PAFAH1B1: variants seen among roughly 807,000 people sequenced by gnomAD.
PAFAH1B1 encodes the protein platelet-activating factor acetylhydrolase IB subunit beta.
A neutral mutation model predicts 57.5 loss-of-function variants in PAFAH1B1; 2 were observed. The ratio of observed to expected loss-of-function variants is 0.03; its 90% CI spans 0.01 to 0.11. The LOEUF is 0.11. Among genes scored for constraint, PAFAH1B1 ranks in the 10% least tolerant of loss-of-function variants. The pLI, the probability that PAFAH1B1 is intolerant of heterozygous loss-of-function variation, is 1.00. For missense variants in PAFAH1B1, 257 were observed against 512.0 expected (o/e 0.50, Z 4.81); for synonymous variants, 152 against 169.6 (o/e 0.90, Z 0.81).
chr17:2,601,970 T>C (rs2068149072), intron 1 of PAFAH1B1, among the ~76,000 whole-genome samples: 1 of 152,234 alleles, frequency 6.6e-6, no homozygotes, highest in South Asian at 2.1e-4. Flanking sequence ...TAATGAAATA[T>C]TCTGGTTATC....
intron 2 of PAFAH1B1, among the ~76,000 whole-genome samples, chr17:2,648,759 G>GT (rs56226717): frequency 0.29 from 41,979 of 146,752 alleles, 6,059 homozygotes; most frequent in Middle Eastern, 0.36. Context: ...ATTCCTGATG[G>GT]TTAAAAAAAA....
At position 2,625,192 on chromosome 17, in the gene PAFAH1B1, GT is replaced by G. The variant is rs79875787; in HGVS notation, c.-190-12904del. Among the ~76,000 whole-genome samples the G allele has an allele frequency of 1.9e-4, 29 of 152,190 alleles. No homozygotes were observed. The East Asian group carries it at 5.6e-3, about 29-fold the overall frequency. ...ATTCCAAAAGCATACTAAAGCCTCTGTTTCTAGTGCTTAAGCAACAGTGTCC... is the reference window on the plus strand; with the variant it reads ...ATTCCAAAAGCATACTAAAGCCTCTGTTCTAGTGCTTAAGCAACAGTGTCC... On this transcript the variant is annotated intron_variant, in intron 1 of 10. Coordinates refer to ENST00000397195, the MANE Select transcript of PAFAH1B1 (RefSeq NM_000430.4).
chr17:2,637,797 G>C (rs1003765444), intron 1 of PAFAH1B1, among the ~76,000 whole-genome samples: 1 of 152,064 alleles, frequency 6.6e-6, no homozygotes, highest in African/African-American at 2.4e-5. Flanking sequence ...AATTACATTC[G>C]TTTAGAGTTA....
intron 2 of PAFAH1B1, among the ~76,000 whole-genome samples, chr17:2,649,042 A>G (rs1170134836): frequency 6.6e-6 from 1 of 151,818 alleles, no homozygotes; most frequent in Non-Finnish European, 1.5e-5. Flanking sequence ...GGGAATCAAC[A>G]ATTACAATTA....
chr17:2,600,819 T>C (rs9900665), intron 1 of PAFAH1B1, among the ~76,000 whole-genome samples: 42,958 of 151,692 alleles, frequency 0.28, 6,227 homozygotes, highest in Middle Eastern at 0.35. Context: ...AACCTCCGCC[T>C]CCTGGGTTCA....
At chr17:2,602,359 A>G (rs1165679209) in intron 1 of PAFAH1B1, among the ~76,000 whole-genome samples, 1 of 152,214 alleles carries the variant, frequency 6.6e-6, no homozygotes, top group African/African-American at 2.4e-5. Context: ...ATCAAATGTC[A>G]CTAGCACAGA....
intron 2 of PAFAH1B1, among the ~76,000 whole-genome samples, chr17:2,659,165 C>T (rs1382237829): frequency 6.6e-6 from 1 of 151,726 alleles, no homozygotes; most frequent in Admixed American, 6.6e-5. Context: ...GCAGGAGAAT[C>T]GCTTGAACCC....
At chr17:2,617,489 C>A (rs2068360179) in intron 1 of PAFAH1B1, among the ~76,000 whole-genome samples, 2 of 152,178 alleles carry the variant, frequency 1.3e-5, no homozygotes, top group African/African-American at 4.8e-5. Context: ...CACAGTCCAT[C>A]CCTCAGTGAT....
intron 1 of PAFAH1B1, among the ~76,000 whole-genome samples, chr17:2,626,781 C>T (rs181906808): frequency 2.2e-3 from 331 of 152,130 alleles, no homozygotes; most frequent in African/African-American, 7.7e-3. Context: ...TCTTGAAGTC[C>T]AGATCTTGTG....
intron 1 of PAFAH1B1, among the ~76,000 whole-genome samples, chr17:2,628,320 A>T (rs1229300877): frequency 6.6e-6 from 1 of 152,154 alleles, no homozygotes; most frequent in Non-Finnish European, 1.5e-5. Context: ...TTCTACATCT[A>T]TTGAGATGAT....
rs2069412194 is a variant in PAFAH1B1 at position 2,683,181 on chromosome 17, GA to G, written c.*1380del. On this transcript the variant is annotated 3_prime_UTR_variant, in exon 11 of 11. Coordinates refer to ENST00000397195, the MANE Select transcript of PAFAH1B1 (RefSeq NM_000430.4). Reference sequence around the variant, plus strand: ...GCCGCTCGACATTTTACACAACCCGGATATGTTGTATATTTTGACCCAAAGT... The same window carrying G: ...GCCGCTCGACATTTTACACAACCCGGTATGTTGTATATTTTGACCCAAAGT... 6.6e-6 allele frequency: 1 copy of G among 152,156 alleles called. No individual in the cohort carries two copies. The highest frequency in any genetic ancestry group is 1.5e-5 in the Non-Finnish European group (1 of 68,034). 9.4% of individuals were successfully genotyped at this position (152,156 alleles called of 1,614,324 possible).
chr17:2,629,245 C>T (rs2068528126), intron 1 of PAFAH1B1, among the ~76,000 whole-genome samples: 2 of 152,086 alleles, frequency 1.3e-5, no homozygotes, highest in Admixed American at 1.3e-4. Flanking sequence ...ATGAACTTTC[C>T]TCTTAGCACT....
chr17:2,655,933 G>GT (rs2068930662), intron 2 of PAFAH1B1, among the ~76,000 whole-genome samples: 3 of 152,112 alleles, frequency 2.0e-5, no homozygotes, highest in Admixed American at 6.6e-5. Flanking sequence ...GTTTTGTTTT[G>GT]TTTGTTTTGA....
chr17:2,629,117 T>C (rs541775488), intron 1 of PAFAH1B1, among the ~76,000 whole-genome samples: 1 of 152,284 alleles, frequency 6.6e-6, no homozygotes, highest in African/African-American at 2.4e-5. Context: ...CTGATCTTGG[T>C]TATTTATTTT....
At chr17:2,640,008 C>A (rs556718836) in intron 2 of PAFAH1B1, 59 of 152,192 alleles carry the variant, frequency 3.9e-4, no homozygotes, top group African/African-American at 1.4e-3. Flanking sequence ...TTGAAATACA[C>A]CCATTGTTAA....
chr17:2,622,058 A>C (rs2068432101), intron 1 of PAFAH1B1, among the ~76,000 whole-genome samples: 2 of 152,170 alleles, frequency 1.3e-5, no homozygotes, highest in African/African-American at 4.8e-5. Flanking sequence ...AGCATGGGAA[A>C]GACCAGCCTC....
intron 1 of PAFAH1B1, among the ~76,000 whole-genome samples, chr17:2,607,490 CT>C (rs984009285): frequency 1.1e-3 from 164 of 143,378 alleles, no homozygotes; most frequent in Admixed American, 1.3e-3. Context: ...TTTTCTTTTT[CT>C]TTTTTTTTTT....
At chr17:2,678,375 C>T (rs765454709) in intron 9 of PAFAH1B1, among the ~76,000 whole-genome samples, 63 of 140,408 alleles carry the variant, frequency 4.5e-4, no homozygotes, top group South Asian at 1.6e-3. Flanking sequence ...GTACTCCAGC[C>T]TGGGCAACAA....
At chr17:2,643,652 T>C (rs1388107032) in intron 2 of PAFAH1B1, among the ~76,000 whole-genome samples, 1 of 151,838 alleles carries the variant, frequency 6.6e-6, no homozygotes, top group African/African-American at 2.4e-5. Flanking sequence ...CTCTGCCTCC[T>C]GGGTTCAAGT....
Sources: allele counts gnomAD v4.1 joint callset (sites outside exome capture counted in the v4.1 genomes callset), GRCh38; gene constraint gnomAD v4.1.1; transcripts MANE v1.5; gene names NCBI Gene and HGNC (gene_info 2026-07-23, HGNC 2026-07-21).